The following ZC3HAV1 variants were observed in gnomAD, a reference collection of about 807,000 sequenced individuals.
The protein encoded by ZC3HAV1 is zinc finger CCCH-type containing, antiviral 1.
Under a neutral mutation model 86.6 loss-of-function variants are expected in ZC3HAV1, and 41 were observed. The observed-to-expected ratio is 0.47, with a 90% CI of 0.37 to 0.61. ZC3HAV1 has a LOEUF of 0.61. ZC3HAV1 is among the 20% of genes least tolerant of loss of function. The pLI is 0.00. For synonymous variants in ZC3HAV1, 421 were observed against 432.1 expected, an observed-to-expected ratio of 0.97 and a Z score of 0.32; for missense variants, 964 against 1,141.1, an observed-to-expected ratio of 0.84 and a Z score of 2.24.
Position 139,060,616 on chromosome 7 carries a change from G to A in ZC3HAV1, c.2096+420C>T, listed in dbSNP as rs574190551. On this transcript the variant is annotated intron_variant, in intron 9 of 12. Transcript: ENST00000242351. ...AGCACTTTGGGAGACTGAGGTAGGA[G>A]GATCACTTGAGCTCAGGAGTTCAAG... is the stretch of plus-strand genomic sequence containing the variant. The A allele has an allele frequency of 5.0e-5, 52 of 1,047,580 alleles. 1 individual carries two copies. The South Asian group carries it at 1.5e-3, about 30-fold the overall frequency. 64.9% of individuals were successfully genotyped at this position (1,047,580 alleles called of 1,614,324 possible).
At chr7:139,088,031 C>CAAAAAAAAAAAAAAAA (rs10544425) in intron 2 of ZC3HAV1, among the ~76,000 whole-genome samples, 32 of 57,862 alleles carry the variant, frequency 5.5e-4, no homozygotes, top group East Asian at 1.6e-3. Context: ...GATCCTGTCT[C>CAAAAAAAAAAAAAAAA]AAAAAAAAAA....
chr7:139,103,004 A>T (rs1034417901), intron 1 of ZC3HAV1, among the ~76,000 whole-genome samples: 3 of 150,166 alleles, frequency 2.0e-5, no homozygotes, highest in Non-Finnish European at 3.0e-5. Context: ...GATATATATA[A>T]AATAAAAACT....
intron 2 of ZC3HAV1, among the ~76,000 whole-genome samples, chr7:139,088,031 CAA>C (rs10544425): frequency 0.3 from 16,836 of 56,228 alleles, 554 homozygotes; most frequent in South Asian, 0.38. Flanking sequence ...GATCCTGTCT[CAA>C]AAAAAAAAAA....
At chr7:139,066,609 A>G (rs1285885318) in intron 7 of ZC3HAV1, among the ~76,000 whole-genome samples, 1 of 152,184 alleles carries the variant, frequency 6.6e-6, no homozygotes, top group African/African-American at 2.4e-5. Context: ...TGTGGATAGT[A>G]TCTATCAGAG....
intron 1 of ZC3HAV1, among the ~76,000 whole-genome samples, chr7:139,100,260 G>A (rs1056506370): frequency 3.3e-5 from 5 of 152,140 alleles, no homozygotes; most frequent in South Asian, 4.1e-4. Flanking sequence ...GGCTGGGCGC[G>A]GTGGCTCACG....
intron 3 of ZC3HAV1, among the ~76,000 whole-genome samples, chr7:139,080,648 C>T (rs191077452): frequency 3.3e-5 from 5 of 152,254 alleles, no homozygotes; most frequent in African/African-American, 9.6e-5. Context: ...ATTCCATGGC[C>T]TAGGATGACA....
At chr7:139,066,531 G>A (rs1563128333) in intron 7 of ZC3HAV1, among the ~76,000 whole-genome samples, 1 of 152,206 alleles carries the variant, frequency 6.6e-6, no homozygotes, top group Non-Finnish European at 1.5e-5. Context: ...GCTGACTTTA[G>A]CAGAACGTTC....
chr7:139,083,634 G>A (rs1817190383), intron 3 of ZC3HAV1, 146 bp downstream of exon 3: 7 of 1,130,434 alleles, frequency 6.2e-6, no homozygotes, highest in South Asian at 1.7e-5. Context: ...GGCTGAGGCA[G>A]GAGAATCACT....
chr7:139,086,714 T>C (rs1817282474), intron 2 of ZC3HAV1, among the ~76,000 whole-genome samples: 1 of 152,146 alleles, frequency 6.6e-6, no homozygotes, highest in Non-Finnish European at 1.5e-5. Context: ...TAGGAGGCAA[T>C]TGAATCATGG....
At position 139,109,465 on chromosome 7, in the gene ZC3HAV1, C is replaced by A. The variant is rs918979555; in HGVS notation, c.-134G>T. The A allele has an allele frequency of 1.8e-6, 2 of 1,122,300 alleles. No homozygotes were observed. Among genetic ancestry groups the A allele is most frequent in the Non-Finnish European group, 2.4e-6 (2 of 819,412 alleles). 69.5% of individuals were successfully genotyped at this position (1,122,300 alleles called of 1,614,324 possible). On this transcript the variant is annotated 5_prime_UTR_variant, in exon 1 of 13. Transcript: ENST00000242351. ...GGCGCGCCCGGAGTCAGCGAGGGCG[C>A]GCTCTCCGTCGCCGTTAGCCCAGCC... is the stretch of plus-strand genomic sequence containing the variant.
At chr7:139,054,621 C>T (rs940469155) in intron 10 of ZC3HAV1, among the ~76,000 whole-genome samples, 2 of 152,116 alleles carry the variant, frequency 1.3e-5, no homozygotes, top group Non-Finnish European at 2.9e-5. Context: ...TGTTAATATC[C>T]ATTTCACATG....
At chr7:139,061,363 G>A (rs751574932) in intron 8 of ZC3HAV1, among the ~76,000 whole-genome samples, 5 of 152,180 alleles carry the variant, frequency 3.3e-5, no homozygotes, top group Admixed American at 1.3e-4. Flanking sequence ...TGAATATTCA[G>A]GAATTAATCT....
chr7:139,090,015 G>C (rs536116327), intron 1 of ZC3HAV1, among the ~76,000 whole-genome samples: 42 of 152,064 alleles, frequency 2.8e-4, no homozygotes, highest in Non-Finnish European at 1.2e-4. Context: ...CACCTCCTGC[G>C]TTCGAGCAAT....
Position 139,079,673 on chromosome 7 carries a change from T to C in ZC3HAV1, c.1268A>G (p.Gln423Arg). 2 of 1,614,216 alleles carry C rather than the reference T, an allele frequency of 1.2e-6. No individual in the cohort carries two copies. Among genetic ancestry groups the C allele is most frequent in the South Asian group, 1.1e-5 (1 of 91,078 alleles). The part of the protein sequence containing the change: ...INGKSGTQDI[Q>R]PGPLFNNNAD... ...ATTATTATTAAAAAGAGGGCCAGGC[T>C]GGATGTCCTGAGTTCCACTTTTGCC... Residue 423 changes from glutamine (Q) to arginine (R), a missense_variant, in exon 4 of 13, where the codon CAG (glutamine) becomes CGG (arginine). Transcript: ENST00000242351.
chr7:139,094,363 C>A (rs1207900346), intron 1 of ZC3HAV1, among the ~76,000 whole-genome samples: 1 of 152,058 alleles, frequency 6.6e-6, no homozygotes, highest in African/African-American at 2.4e-5. Flanking sequence ...TCCCCTCTCG[C>A]CAGTACAAAA....
intron 6 of ZC3HAV1, 28 bp downstream of exon 6, chr7:139,076,258 G>C (rs777635425): frequency 4.3e-6 from 7 of 1,613,946 alleles, no homozygotes; most frequent in Non-Finnish European, 8.5e-7. Flanking sequence ...TTGGACTCTT[G>C]AAAGCCAGAG....
chr7:139,079,922 A>C lies in ZC3HAV1; in HGVS notation c.1019T>G (p.Leu340Trp). The change falls in exon 4 of 13, where the codon TTG becomes TGG. Residue 340 changes from leucine to tryptophan, a missense_variant. By Grantham distance (61) the Leu-to-Trp change is moderately conservative. Transcript: ENST00000242351. ...FLENGSQEDL[L>W]HGNPGSTYLA... Reference sequence around the variant, plus strand: ...GTAAGTGCTGCCTGGATTTCCATGCAAGAGGTCCTCTTGACTGCCGTTCTC... The same window carrying C: ...GTAAGTGCTGCCTGGATTTCCATGCCAGAGGTCCTCTTGACTGCCGTTCTC... 6.2e-7 allele frequency: 1 copy of C among 1,614,158 alleles called. No individual in the cohort carries two copies. Among genetic ancestry groups the C allele is most frequent in the Non-Finnish European group, 8.5e-7 (1 of 1,180,028 alleles).
At chr7:139,080,862 G>A (rs1286105930) in intron 3 of ZC3HAV1, among the ~76,000 whole-genome samples, 2 of 152,128 alleles carry the variant, frequency 1.3e-5, no homozygotes, top group African/African-American at 2.4e-5. Context: ...ATCGTGATAC[G>A]GGTGTACCTG....
Position 139,083,788 on chromosome 7 carries a change from C to T in ZC3HAV1, c.689G>A (p.Gly230Glu). 2 of 1,611,178 alleles carry T rather than the reference C, an allele frequency of 1.2e-6. No individual in the cohort carries two copies. The highest frequency in any genetic ancestry group is 1.7e-6 in the Non-Finnish European group (2 of 1,177,778). The change falls in exon 3 of 13, where the codon GGG becomes GAG. Residue 230 changes from glycine (G) to glutamate (E), a missense_variant. Coordinates refer to ENST00000242351, the MANE Select transcript of ZC3HAV1 (RefSeq NM_020119.4). ...NSKHMQKNPP[G>E]PRAPSSHRRN... is the part of the protein sequence containing the mutation. ...AAAGAAAAGGCCTTTACCTCTGGGCCCTGGGGGATTCTTCTGCATGTGCTT... is the reference window on the plus strand; with the variant it reads ...AAAGAAAAGGCCTTTACCTCTGGGCTCTGGGGGATTCTTCTGCATGTGCTT...
Sources: gnomAD v4.1 joint callset for allele counts (sites outside exome capture counted in the v4.1 genomes callset) on GRCh38, gnomAD v4.1.1 for gene constraint, MANE v1.5 for transcripts, NCBI Gene and HGNC (gene_info 2026-07-23, HGNC 2026-07-21) for gene names.